The following KIAA1328 variants were observed in gnomAD, a reference collection of about 807,000 sequenced individuals.
The protein encoded by KIAA1328 is KIAA1328.
Under a neutral mutation model 68.1 loss-of-function variants are expected in KIAA1328, and 52 were observed. The ratio of observed to expected loss-of-function variants is 0.76; its 90% CI spans 0.61 to 0.96. The LOEUF (loss-of-function observed/expected upper bound fraction) is 0.96, where lower values mean the gene tolerates loss of function less well. Among genes scored for constraint, KIAA1328 ranks in the 40% least tolerant of loss-of-function variants. The pLI is 0.00. For synonymous variants in KIAA1328, 232 were observed against 239.4 expected (o/e 0.97, Z 0.28); for missense variants, 641 against 677.6 (o/e 0.95, Z 0.60).
intron 6 of KIAA1328, among the ~76,000 whole-genome samples, chr18:37,013,441 C>A (rs979807465): frequency 6.6e-6 from 1 of 152,044 alleles, no homozygotes; most frequent in Non-Finnish European, 1.5e-5. Flanking sequence ...TACAAACGAT[C>A]CTGTCACCCA....
intron 6 of KIAA1328, among the ~76,000 whole-genome samples, chr18:36,981,497 T>G (rs1280542672): frequency 6.6e-6 from 1 of 152,160 alleles, no homozygotes; most frequent in Non-Finnish European, 1.5e-5. Flanking sequence ...AAATTAACAG[T>G]CAAGGATTAT....
chr18:36,862,794 A>T (rs531950193), intron 4 of KIAA1328, among the ~76,000 whole-genome samples: 22 of 152,302 alleles, frequency 1.4e-4, no homozygotes, highest in African/African-American at 5.3e-4. Context: ...ACAGCAATGT[A>T]AGAGGTCTTC....
intron 9 of KIAA1328, among the ~76,000 whole-genome samples, chr18:37,192,823 G>C (rs539025116): frequency 1.3e-5 from 2 of 152,258 alleles, no homozygotes; most frequent in South Asian, 4.1e-4. Context: ...AAATGATTAA[G>C]ATATCTTAAG....
chr18:37,094,658 A>G (rs1240166853), intron 7 of KIAA1328, among the ~76,000 whole-genome samples: 1 of 152,244 alleles, frequency 6.6e-6, no homozygotes, highest in Non-Finnish European at 1.5e-5. Context: ...CAAAAAAGAA[A>G]GAGAAGAACA....
At chr18:37,187,317 G>A (rs911749064) in intron 9 of KIAA1328, among the ~76,000 whole-genome samples, 8 of 152,164 alleles carry the variant, frequency 5.3e-5, no homozygotes, top group African/African-American at 1.9e-4. Context: ...GGAAAGCTGG[G>A]AGATTCTGAG....
intron 5 of KIAA1328, among the ~76,000 whole-genome samples, chr18:36,942,590 T>C (rs1288131649): frequency 1.3e-5 from 2 of 152,194 alleles, no homozygotes; most frequent in African/African-American, 4.8e-5. Flanking sequence ...AGCTAAATTG[T>C]GCAGTGTTGC....
At chr18:37,101,944 C>A (rs959410311) in intron 7 of KIAA1328, among the ~76,000 whole-genome samples, 3 of 152,070 alleles carry the variant, frequency 2.0e-5, no homozygotes, top group South Asian at 2.1e-4. Flanking sequence ...AGAAAAAACA[C>A]CAATTCTTTA....
chr18:36,963,554 G>A (rs974930147), intron 6 of KIAA1328, among the ~76,000 whole-genome samples: 2 of 152,046 alleles, frequency 1.3e-5, no homozygotes, highest in Admixed American at 6.5e-5. Context: ...ACTTTCTCAG[G>A]TGTTACTGAT....
At chr18:37,035,168 G>A (rs911651316) in intron 6 of KIAA1328, among the ~76,000 whole-genome samples, 1 of 152,182 alleles carries the variant, frequency 6.6e-6, no homozygotes, top group Non-Finnish European at 1.5e-5. Flanking sequence ...ATCAGGTGAG[G>A]GACTGAAAAC....
chr18:37,215,864 G>A (rs2060420564), intron 9 of KIAA1328, among the ~76,000 whole-genome samples: 1 of 152,038 alleles, frequency 6.6e-6, no homozygotes, highest in Non-Finnish European at 1.5e-5. Flanking sequence ...ACTTCTTCCT[G>A]GTTTAGTCTT....
Position 36,938,422 on chromosome 18 carries a change from G to A in KIAA1328, c.449-20886G>A, listed in dbSNP as rs188808633. Among the ~76,000 whole-genome samples, 40 of 152,066 alleles carry A rather than the reference G, an allele frequency of 2.6e-4. 2 individuals carry two copies. The highest frequency in any genetic ancestry group is 1.1e-3 in the Admixed American group (17 of 15,268). ...CTTCTTTTGAGAAAAGTCTATTTAG[G>A]TCCTTTGCCCATATTTTGATTGAGT... On this transcript the variant is annotated intron_variant, in intron 5 of 9. Coordinates refer to ENST00000280020, the MANE Select transcript of KIAA1328 (RefSeq NM_020776.3).
At chr18:36,921,361 A>G (rs1279469886) in intron 5 of KIAA1328, among the ~76,000 whole-genome samples, 1 of 152,154 alleles carries the variant, frequency 6.6e-6, no homozygotes, top group Non-Finnish European at 1.5e-5. Flanking sequence ...TAGAGAAGAA[A>G]AATAGCCTAT....
chr18:37,117,040 G>A (rs900764548), intron 7 of KIAA1328, among the ~76,000 whole-genome samples: 1 of 152,164 alleles, frequency 6.6e-6, no homozygotes, highest in Non-Finnish European at 1.5e-5. Context: ...TGGAGAAATA[G>A]GAACACTTTT....
chr18:36,884,530 A>G (rs993349492), intron 4 of KIAA1328, among the ~76,000 whole-genome samples: 8 of 152,218 alleles, frequency 5.3e-5, no homozygotes, highest in South Asian at 2.1e-4. Context: ...GTTGATTTCA[A>G]TATCTCTAAC....
intron 9 of KIAA1328, among the ~76,000 whole-genome samples, chr18:37,210,186 T>C (rs2060290588): frequency 6.6e-6 from 1 of 152,214 alleles, no homozygotes; most frequent in Non-Finnish European, 1.5e-5. Context: ...GGACACCATG[T>C]CAAACTGGCC....
At chr18:36,922,005 G>A (rs1225531826) in intron 5 of KIAA1328, among the ~76,000 whole-genome samples, 2 of 151,648 alleles carry the variant, frequency 1.3e-5, no homozygotes, top group Non-Finnish European at 2.9e-5. Flanking sequence ...GTGGCTCACT[G>A]CAACCTCCAC....
intron 6 of KIAA1328, among the ~76,000 whole-genome samples, chr18:37,063,161 C>A (rs1446497269): frequency 6.6e-6 from 1 of 151,932 alleles, no homozygotes. Flanking sequence ...TTCACATGGT[C>A]ATTGGCAGAA....
At chr18:37,160,436 C>G in intron 8 of KIAA1328, 55 bp downstream of exon 8, 1 of 1,477,138 alleles carries the variant, frequency 6.8e-7, no homozygotes. Context: ...AAGGTAGTTG[C>G]TAGCCAATGA....
At chr18:37,221,612 G>C (rs955759496) in intron 9 of KIAA1328, among the ~76,000 whole-genome samples, 1 of 152,214 alleles carries the variant, frequency 6.6e-6, no homozygotes, top group Non-Finnish European at 1.5e-5. Context: ...TAATGGAGAT[G>C]AGAGTAGTAT....
Sources: gnomAD v4.1 joint callset for allele counts (sites outside exome capture counted in the v4.1 genomes callset) on GRCh38, gnomAD v4.1.1 for gene constraint, MANE v1.5 for transcripts, NCBI Gene and HGNC (gene_info 2026-07-23, HGNC 2026-07-21) for gene names.